Variants in SPANXN2 observed in about 807,000 individuals in gnomAD.
The protein encoded by SPANXN2 is SPANX family member N2.
Under a neutral mutation model 2.0 loss-of-function variants are expected in SPANXN2, and 1 was observed. The ratio of observed to expected loss-of-function variants is 0.50; its 90% CI spans 0.18 to 2.36. SPANXN2 has a LOEUF of 2.36. Among genes scored for constraint, SPANXN2 ranks in the 30% most tolerant of loss-of-function variants. The pLI is 0.26. For missense variants in SPANXN2, 88 were observed against 116.7 expected, an observed-to-expected ratio of 0.75 and a Z score of 1.13; for synonymous variants, 43 against 49.8, an observed-to-expected ratio of 0.86 and a Z score of 0.58.
At chrX:143,720,744 C>G (rs1159320201) in exon 1 of SPANXN2, 1 of 1,109,777 alleles carries the variant, frequency 9.0e-7, no homozygotes, top group African/African-American at 1.8e-5. Context: ...TGAAGCTTGC[C>G]AGGAGGATGT....
At chrX:143,713,495 T>C (rs1258919122) in intron 1 of SPANXN2, among the ~76,000 whole-genome samples, 2 of 111,441 alleles carry the variant, frequency 1.8e-5, no homozygotes, top group Non-Finnish European at 3.8e-5. Flanking sequence ...AAAATTCCAG[T>C]GCTGGGTGAG....
intron 1 of SPANXN2, among the ~76,000 whole-genome samples, chrX:143,715,241 G>T (rs1206495710): frequency 2.7e-5 from 3 of 110,690 alleles, no homozygotes; most frequent in African/African-American, 6.6e-5. Context: ...TACTCAGTTT[G>T]ACCAGAATAT....
chrX:143,713,602 A>G, intron 1 of SPANXN2, among the ~76,000 whole-genome samples: 1 of 111,205 alleles, frequency 9.0e-6, no homozygotes, highest in South Asian at 3.8e-4. Context: ...GGGGAGCATG[A>G]ATAGTACGGG....
At chrX:143,714,108 T>C (rs1263542332) in intron 1 of SPANXN2, among the ~76,000 whole-genome samples, 1 of 109,212 alleles carries the variant, frequency 9.2e-6, no homozygotes, top group Non-Finnish European at 1.9e-5. Context: ...TCCACCCCCT[T>C]ACTGTCGCCC....
At chrX:143,715,898 A>G (rs1371689043) in intron 1 of SPANXN2, among the ~76,000 whole-genome samples, 1 of 111,467 alleles carries the variant, frequency 9.0e-6, no homozygotes, top group Non-Finnish European at 1.9e-5. Flanking sequence ...CTTTGTATTG[A>G]ACTAAAAGAC....
At chrX:143,714,505 C>T (rs782742407) in intron 1 of SPANXN2, among the ~76,000 whole-genome samples, 2 of 111,404 alleles carry the variant, frequency 1.8e-5, no homozygotes, top group Non-Finnish European at 3.8e-5. Flanking sequence ...CAATAGGGAC[C>T]CTAGCTGTCC....
rs782194738 is a variant in SPANXN2, at chrX:143,719,710, G to A, written c.78+881C>T. Among the ~76,000 whole-genome samples, 6 of 110,845 alleles carry A rather than the reference G, an allele frequency of 5.4e-5. No homozygotes were observed. In the East Asian group the frequency reaches 1.4e-3, roughly 27 times the overall value. ...TTTGCCTAACAAGCAGACCATCCAG[G>A]TTCCTTTAGTAGCTTCTGTCTCATC... is the stretch of plus-strand genomic sequence containing the variant. On this transcript the variant is annotated intron_variant, in intron 1 of 1. Transcript: ENST00000598475.
rs782383140 is a variant in SPANXN2 at position 143,715,007 on chromosome X, A to G, written c.79-2508T>C. 9.0e-5 allele frequency among the ~76,000 whole-genome samples: 10 copies of G among 111,626 alleles called. No individual in the cohort carries two copies. In the South Asian group the frequency reaches 1.9e-3, roughly 21 times the overall value. On this transcript the variant is annotated intron_variant, in intron 1 of 1. Transcript: ENST00000598475. ...CTGGGCAAAAGCCTAGCCTAATCCCAGGACACTCTGGAAATCTTGCCCCAT... is the reference window on the plus strand; with the variant it reads ...CTGGGCAAAAGCCTAGCCTAATCCCGGGACACTCTGGAAATCTTGCCCCAT...
In SPANXN2 at chrX:143,711,991, C is replaced by T. The variant is rs1932165909; in HGVS notation, c.*44G>A. 9 of 1,208,670 alleles carry T rather than the reference C, an allele frequency of 7.4e-6. No homozygotes were observed. The East Asian group carries it at 8.9e-5, about 12-fold the overall frequency. ...AACTTGATTTTATTGTAATCATCGC[C>T]ATTGGTAGTGAGGATTTGTCCAATT... On this transcript the variant is annotated 3_prime_UTR_variant, in exon 2 of 2. Transcript: ENST00000598475.
intron 1 of SPANXN2, among the ~76,000 whole-genome samples, chrX:143,718,750 C>G (rs1468725487): frequency 5.4e-5 from 6 of 111,376 alleles, no homozygotes; most frequent in Admixed American, 3.8e-4. Context: ...TCCCCATGAC[C>G]CTGAATAGTC....
At chrX:143,712,019 G>T in exon 2 of SPANXN2, 1 of 1,211,836 alleles carries the variant, frequency 8.3e-7, no homozygotes. Context: ...GTCCAATTTG[G>T]TTTCTCCATG....
At position 143,712,503 on chromosome X, in the gene SPANXN2, A is replaced by T. The variant is rs781945836; in HGVS notation, c.79-4T>A. ...CCCTGTTCGGTGCCTCCTGCATCTG[A>T]TAAGAAAACAGGGAGAGGCCAGAAA... is the stretch of plus-strand genomic sequence containing the variant. On this transcript the variant is annotated splice_polypyrimidine_tract_variant and splice_region_variant and intron_variant, in intron 1 of 1. Coordinates refer to ENST00000598475, the Ensembl canonical transcript of SPANXN2. 5.0e-6 allele frequency: 6 copies of T among 1,203,599 alleles called. No homozygotes were observed. The highest frequency in any genetic ancestry group is 6.7e-6 in the Non-Finnish European group (6 of 891,726).
chrX:143,714,497 A>G (rs1376016570), intron 1 of SPANXN2, among the ~76,000 whole-genome samples: 2 of 111,662 alleles, frequency 1.8e-5, no homozygotes, highest in African/African-American at 3.3e-5. Context: ...TCATAATCCA[A>G]TAGGGACCCT....
chrX:143,718,454 C>A (rs1264399864), intron 1 of SPANXN2, among the ~76,000 whole-genome samples: 1 of 111,682 alleles, frequency 9.0e-6, no homozygotes, highest in Non-Finnish European at 1.9e-5. Flanking sequence ...GCTCTCCAAC[C>A]TAAGTGGAGG....
chrX:143,718,127 A>T (rs1206188226), intron 1 of SPANXN2, among the ~76,000 whole-genome samples: 1 of 110,927 alleles, frequency 9.0e-6, no homozygotes, highest in African/African-American at 3.3e-5. Context: ...CAACTAACCA[A>T]ACTCTCCTTA....
exon 2 of SPANXN2, chrX:143,712,040 C>A: frequency 8.2e-7 from 1 of 1,212,261 alleles, no homozygotes; most frequent in Non-Finnish European, 1.1e-6. Context: ...TTTGACTAGT[C>A]CTCCCCACCC....
chrX:143,712,139 A>T (rs782741603), exon 2 of SPANXN2: 2 of 1,207,696 alleles, frequency 1.7e-6, no homozygotes, highest in Admixed American at 2.2e-5. Context: ...TCCTGTGAAG[A>T]TCCTTCAGAT....
intron 1 of SPANXN2, among the ~76,000 whole-genome samples, chrX:143,716,329 T>C (rs1459406931): frequency 9.0e-6 from 1 of 110,508 alleles, no homozygotes; most frequent in Non-Finnish European, 1.9e-5. Context: ...AGGAGCCAAT[T>C]TGGGACATGC....
chrX:143,714,367 T>A (rs1429039702), intron 1 of SPANXN2, among the ~76,000 whole-genome samples: 1 of 111,648 alleles, frequency 9.0e-6, no homozygotes, highest in Non-Finnish European at 1.9e-5. Context: ...CTAAATCTTA[T>A]GACCTTACCT....
Sources: allele counts gnomAD v4.1 joint callset (sites outside exome capture counted in the v4.1 genomes callset), GRCh38; gene constraint gnomAD v4.1.1; transcripts MANE v1.5; gene names NCBI Gene and HGNC (gene_info 2026-07-23, HGNC 2026-07-21).